Variants in ZNF391 observed in about 807,000 individuals in gnomAD.
The protein encoded by ZNF391 is zinc finger protein 391.
For synonymous variants in ZNF391, 126 were observed against 142.1 expected (o/e 0.89, Z 0.80); for missense variants, 375 against 425.5 (o/e 0.88, Z 1.04).
intron 1 of ZNF391, among the ~76,000 whole-genome samples, chr6:27,394,129 G>A (rs1253830544): frequency 6.6e-6 from 1 of 152,218 alleles, no homozygotes; most frequent in African/African-American, 2.4e-5. Context: ...GCAACCACTT[G>A]CTATAGAGAG....
intron 1 of ZNF391, among the ~76,000 whole-genome samples, chr6:27,381,355 G>C (rs983464887): frequency 2.0e-5 from 3 of 152,244 alleles, no homozygotes; most frequent in Admixed American, 2.0e-4. Flanking sequence ...CTCCGAGTGC[G>C]GGGCCCACCA....
Position 27,401,500 on chromosome 6 carries a change from C to A in ZNF391, c.*53C>A. ...AAGAACACATATACCTAACCTCCCACCACTGAAATATATATATTTCAAGTA... is the reference window on the plus strand; with the variant it reads ...AAGAACACATATACCTAACCTCCCAACACTGAAATATATATATTTCAAGTA... On this transcript the variant is annotated 3_prime_UTR_variant, in exon 3 of 3. Coordinates refer to ENST00000244576, the MANE Select transcript of ZNF391 (RefSeq NM_001076781.3). 7.7e-7 allele frequency: 1 copy of A among 1,297,138 alleles called. No individual in the cohort carries two copies. The highest frequency in any genetic ancestry group is 1.1e-6 in the Non-Finnish European group (1 of 942,234). 80.4% of individuals were successfully genotyped at this position (1,297,138 alleles called of 1,614,324 possible). A position where few individuals can be genotyped will look rare whatever the true frequency, so the allele number is the denominator to read the frequency against.
chr6:27,396,544 G>C (rs1761830217), intron 1 of ZNF391, among the ~76,000 whole-genome samples: 3 of 152,070 alleles, frequency 2.0e-5, no homozygotes, highest in Admixed American at 2.0e-4. Flanking sequence ...GGGCAACCTG[G>C]TGAAACCCCA....
intron 1 of ZNF391, among the ~76,000 whole-genome samples, chr6:27,377,770 T>A (rs890347313): frequency 2.6e-5 from 4 of 152,118 alleles, no homozygotes; most frequent in African/African-American, 9.7e-5. Flanking sequence ...TGGAAAAAAA[T>A]TTTCTAAATT....
chr6:27,390,487 T>G lies in ZNF391; in HGVS notation c.-188+1412T>G, dbSNP rs529935055. Reference sequence around the variant, plus strand: ...GGAGAGGCAACTTTCCACATTATGGTGGAGGAATCCCTTGGATGGACTCTG... The same window carrying G: ...GGAGAGGCAACTTTCCACATTATGGGGGAGGAATCCCTTGGATGGACTCTG... On this transcript the variant is annotated intron_variant, in intron 1 of 2. Transcript: ENST00000244576. Among the ~76,000 whole-genome samples, 6 of 152,334 alleles carry G rather than the reference T, an allele frequency of 3.9e-5. No homozygotes were observed. In the South Asian group the frequency reaches 1.2e-3, roughly 32 times the overall value.
rs868789015 is a variant in ZNF391, at chr6:27,401,396, C to T, written c.1026C>T (p.Phe342=). 6.2e-7 allele frequency: 1 copy of T among 1,612,896 alleles called. No individual in the cohort carries two copies. Among genetic ancestry groups the T allele is most frequent in the Non-Finnish European group, 8.5e-7 (1 of 1,180,004 alleles). The part of the protein sequence containing the change: ...PYKCNDCGKA[F]CQSSTLIRHQ... ...AATGTAATGACTGTGGAAAAGCCTT[C>T]TGTCAGAGTTCAACTCTGATCAGAC... The change falls in exon 3 of 3, where the codon TTC becomes TTT. Residue 342 remains phenylalanine, a synonymous_variant. Transcript: ENST00000244576.
chr6:27,375,030 C>T lies in ZNF391; in HGVS notation n.416C>T, dbSNP rs1476463395. The stretch of plus-strand genomic sequence containing the variant: ...TATAAAAGAGAGCCTCCACTCCCAC[C>T]TCTCCAGGGCTCCCCACCCGCTCCT... On this transcript the variant is annotated non_coding_transcript_exon_variant, in exon 1 of 3. Transcript: ENST00000477999. 2.6e-5 allele frequency: 4 copies of T among 152,374 alleles called. No individual in the cohort carries two copies. The East Asian group carries it at 7.7e-4, about 29-fold the overall frequency. The allele number at this position is 152,374 out of a possible 1,614,324, so 9.4% of individuals were successfully genotyped here. A position where few individuals can be genotyped will look rare whatever the true frequency, so the allele number is the denominator to read the frequency against.
At chr6:27,398,685 C>T (rs556593808) in intron 1 of ZNF391, among the ~76,000 whole-genome samples, 1 of 152,150 alleles carries the variant, frequency 6.6e-6, no homozygotes. Flanking sequence ...AGTGAAACCC[C>T]GTCTCTACTA....
Position 27,388,962 on chromosome 6 carries a change from C to T in ZNF391, c.-301C>T, listed in dbSNP as rs1190279380. On this transcript the variant is annotated 5_prime_UTR_variant, in exon 1 of 3. Coordinates refer to ENST00000244576, the MANE Select transcript of ZNF391 (RefSeq NM_001076781.3). Reference sequence around the variant, plus strand: ...GTTTCTCTTTAATCCTTCCGACTTCCCCAAGCCCAGCGCACTCAGGTTCCG... The same window carrying T: ...GTTTCTCTTTAATCCTTCCGACTTCTCCAAGCCCAGCGCACTCAGGTTCCG... The T allele has an allele frequency of 2.2e-6, 1 of 456,496 alleles. No individual in the cohort carries two copies. Among genetic ancestry groups the T allele is most frequent in the Non-Finnish European group, 4.4e-6 (1 of 226,914 alleles). The allele number at this position is 456,496 out of a possible 1,614,324, so 28.3% of individuals were successfully genotyped here. A position where few individuals can be genotyped will look rare whatever the true frequency, so the allele number is the denominator to read the frequency against.
intron 2 of ZNF391, 52 bp from the exon 3 acceptor site, chr6:27,400,241 T>C: frequency 2.8e-6 from 2 of 725,210 alleles, no homozygotes; most frequent in Non-Finnish European, 4.4e-6. Context: ...GTTTATTTTC[T>C]TTGCTCTCCA....
At chr6:27,386,448 G>A (rs1352251622), upstream of ZNF391, among the ~76,000 whole-genome samples, 1 of 152,108 alleles carries the variant, frequency 6.6e-6, no homozygotes, top group Non-Finnish European at 1.5e-5. Context: ...AATAACCAAT[G>A]AAAACCTTGG....
upstream of ZNF391, among the ~76,000 whole-genome samples, chr6:27,385,447 G>A (rs563730271): frequency 1.3e-5 from 2 of 152,142 alleles, no homozygotes; most frequent in South Asian, 4.1e-4. Flanking sequence ...AATCAATAAA[G>A]TTATACCATA....
Position 27,401,665 on chromosome 6 carries a change from T to C in ZNF391, c.*218T>C. 1 of 411,900 alleles carries C rather than the reference T, an allele frequency of 2.4e-6. No homozygotes were observed. The highest frequency in any genetic ancestry group is 3.6e-5 in the East Asian group (1 of 27,568). The allele number at this position is 411,900 out of a possible 1,614,324, so 25.5% of individuals were successfully genotyped here. A position where few individuals can be genotyped will look rare whatever the true frequency, so the allele number is the denominator to read the frequency against. On this transcript the variant is annotated 3_prime_UTR_variant, in exon 3 of 3. Transcript: ENST00000244576. ...CCCTCCTTCCTACTTTTTCTCCCTC[T>C]CCCTGTTCTTTCTTTCTCTTTTCTC...
At chr6:27,387,793 TTAGA>T (rs745926650), upstream of ZNF391, among the ~76,000 whole-genome samples, 1 of 152,212 alleles carries the variant, frequency 6.6e-6, no homozygotes, top group Non-Finnish European at 1.5e-5. Context: ...TGTTCTAGAA[TTAGA>T]TAGTGACGGT....
At chr6:27,389,308 A>G (rs1379387209) in intron 1 of ZNF391, 1 of 455,720 alleles carries the variant, frequency 2.2e-6, no homozygotes, top group Admixed American at 2.4e-5. Context: ...CTGGGAGATG[A>G]AAAAGAGCAG....
intron 1 of ZNF391, among the ~76,000 whole-genome samples, chr6:27,392,471 C>T (rs1018698502): frequency 6.6e-6 from 1 of 152,158 alleles, no homozygotes. Flanking sequence ...GGGCTAGTCT[C>T]GAACTCCTGA....
At chr6:27,398,644 G>A (rs1294201150) in intron 1 of ZNF391, among the ~76,000 whole-genome samples, 1 of 152,120 alleles carries the variant, frequency 6.6e-6, no homozygotes, top group East Asian at 1.9e-4. Flanking sequence ...GGATCACGAG[G>A]TCAGGAGATC....
intron 1 of ZNF391, among the ~76,000 whole-genome samples, chr6:27,381,467 G>T (rs1263422145): frequency 6.6e-6 from 1 of 152,264 alleles, no homozygotes; most frequent in Non-Finnish European, 1.5e-5. Flanking sequence ...AGCTGAGGGA[G>T]CCGGCTCCGG....
chr6:27,379,253 T>C (rs1225271466), intron 1 of ZNF391, among the ~76,000 whole-genome samples: 1 of 152,266 alleles, frequency 6.6e-6, no homozygotes, highest in Admixed American at 6.5e-5. Context: ...ATAATTTCAG[T>C]ATATTATTGC....
Sources: gnomAD v4.1 joint callset for allele counts (sites outside exome capture counted in the v4.1 genomes callset) on GRCh38, gnomAD v4.1.1 for gene constraint, MANE v1.5 for transcripts, NCBI Gene and HGNC (gene_info 2026-07-23, HGNC 2026-07-21) for gene names.